Variants in ACSBG2 observed in about 807,000 individuals in gnomAD.
The protein encoded by ACSBG2 is long-chain-fatty-acid--CoA ligase ACSBG2.
Under a neutral mutation model 74.7 loss-of-function variants are expected in ACSBG2, and 62 were observed. The observed-to-expected ratio is 0.83, with a 90% CI of 0.68 to 1.03. ACSBG2 has a LOEUF of 1.03. Among genes scored for constraint, ACSBG2 ranks in the 50% least tolerant of loss-of-function variants. The pLI is 0.00. For synonymous variants in ACSBG2, 309 were observed against 294.1 expected, an observed-to-expected ratio of 1.05 and a Z score of -0.52; for missense variants, 730 against 817.6, an observed-to-expected ratio of 0.89 and a Z score of 1.31.
intron 8 of ACSBG2, 104 bp downstream of exon 8, chr19:6,177,500 T>C: frequency 1.6e-6 from 2 of 1,232,348 alleles, no homozygotes; most frequent in South Asian, 1.6e-5. Flanking sequence ...TGAAGCCCCA[T>C]GTCTAACGGT....
chr19:6,136,314 A>G (rs949873421), intron 1 of ACSBG2, among the ~76,000 whole-genome samples: 10 of 151,924 alleles, frequency 6.6e-5, no homozygotes, highest in East Asian at 1.9e-4. Context: ...GGATAGTCTC[A>G]ATCTCCTGAC....
chr19:6,189,246 C>A (rs1282467074), intron 13 of ACSBG2, among the ~76,000 whole-genome samples: 1 of 152,132 alleles, frequency 6.6e-6, no homozygotes, highest in Non-Finnish European at 1.5e-5. Context: ...TAGCTTGCTG[C>A]CACCCCCATT....
At position 6,145,408 on chromosome 19, in the gene ACSBG2, A is replaced by C. The variant is rs576723443; in HGVS notation, c.68-2038A>C. ...ATTGTGCCACTGCACTCCAGCCTGG[A>C]GATAGAGCAAGACTCCATCTCAAAA... On this transcript the variant is annotated intron_variant, in intron 2 of 14. Coordinates refer to ENST00000588485, the MANE Select transcript of ACSBG2 (RefSeq NM_030924.5). Among the ~76,000 whole-genome samples, 237 of 139,848 alleles carry C rather than the reference A, an allele frequency of 1.7e-3. 1 individual carries two copies. The highest frequency in any genetic ancestry group is 7.1e-3 in the Middle Eastern group (2 of 280). 91.7% of individuals were successfully genotyped at this position (139,848 alleles called of 152,430 possible).
Position 6,193,046 on chromosome 19 carries a change from T to A in ACSBG2, c.*414T>A, listed in dbSNP as rs1468618209. The A allele has an allele frequency of 3.9e-5, 6 of 152,206 alleles. No homozygotes were observed. Among genetic ancestry groups the A allele is most frequent in the Admixed American group, 6.5e-5 (1 of 15,276 alleles). The allele number at this position is 152,206 out of a possible 1,614,324, so 9.4% of individuals were successfully genotyped here. On this transcript the variant is annotated 3_prime_UTR_variant, in exon 15 of 15. Coordinates refer to ENST00000588485, the MANE Select transcript of ACSBG2 (RefSeq NM_030924.5). ...ATCAACTCACCTGCCTGGAAGCAAC[T>A]GGGAAACCCTTCCAATAAGTCCTGA...
At chr19:6,171,749 T>A (rs1170333705) in intron 7 of ACSBG2, among the ~76,000 whole-genome samples, 1 of 152,218 alleles carries the variant, frequency 6.6e-6, no homozygotes, top group Non-Finnish European at 1.5e-5. Flanking sequence ...CATATCTAGA[T>A]GTTGACCTCT....
rs2089477613 is a variant in ACSBG2, at chr19:6,157,936, T to C, written c.507+1385T>C. Among the ~76,000 whole-genome samples, 3 of 152,178 alleles carry C rather than the reference T, an allele frequency of 2.0e-5. No homozygotes were observed. The South Asian group carries it at 6.2e-4, about 32-fold the overall frequency. ...CCCTTCCTGTTTCATTTTTTTCTAG[T>C]GTCCTGCTGTCTCTTCCCTGAGTGC... On this transcript the variant is annotated intron_variant, in intron 5 of 14. Coordinates refer to ENST00000588485, the MANE Select transcript of ACSBG2 (RefSeq NM_030924.5).
At chr19:6,186,154 C>T (rs530231424) in intron 11 of ACSBG2, among the ~76,000 whole-genome samples, 3 of 151,120 alleles carry the variant, frequency 2.0e-5, no homozygotes, top group Non-Finnish European at 2.9e-5. Flanking sequence ...GGATAATAAT[C>T]GACAGAGTTG....
At chr19:6,147,194 A>C (rs1449316029) in intron 2 of ACSBG2, among the ~76,000 whole-genome samples, 2 of 152,200 alleles carry the variant, frequency 1.3e-5, no homozygotes, top group Non-Finnish European at 2.9e-5. Context: ...CAGTTGTAGA[A>C]TCTAGGTGTT....
In ACSBG2 at chr19:6,157,493, G is replaced by A. The variant is rs1043002378; in HGVS notation, c.507+942G>A. Among the ~76,000 whole-genome samples, 212 of 152,294 alleles carry A rather than the reference G, an allele frequency of 1.4e-3. 1 individual carries two copies. Among genetic ancestry groups the A allele is most frequent in the Non-Finnish European group, 2.1e-3 (146 of 68,012 alleles). ...TGGCAGGATCGCTTGAACCTGGGAG[G>A]TGGAGGTTGCAGTGAGCCAAGACTG... On this transcript the variant is annotated intron_variant, in intron 5 of 14. Transcript: ENST00000588485.
chr19:6,138,610 A>G (rs61411575), intron 1 of ACSBG2, among the ~76,000 whole-genome samples: 1,416 of 135,368 alleles, frequency 0.01, 39 homozygotes, highest in African/African-American at 0.04. Flanking sequence ...GGGAGGAAGG[A>G]AGGAAGGAAG....
chr19:6,136,055 CTCAACCTCCCAAG>C (rs1487726536), intron 1 of ACSBG2, 146 bp downstream of exon 1: 3 of 152,404 alleles, frequency 2.0e-5, no homozygotes, highest in African/African-American at 7.2e-5. Context: ...ATACTCCCAC[CTCAACCTCCCAAG>C]TAGCTGAGAT....
At chr19:6,149,247 C>A (rs1236305792) in intron 3 of ACSBG2, among the ~76,000 whole-genome samples, 1 of 152,168 alleles carries the variant, frequency 6.6e-6, no homozygotes, top group Non-Finnish European at 1.5e-5. Flanking sequence ...ATAAAGCCAG[C>A]CTTTTGGTTA....
rs570207075 is a variant in ACSBG2, at chr19:6,188,826, G to A, written c.1927+981G>A. ...TAAAGGGGATGAAATCATCGGATGT[G>A]GAAGCTGCATTCTTTGGTAAGTCAG... is the stretch of plus-strand genomic sequence containing the variant. On this transcript the variant is annotated intron_variant, in intron 13 of 14. Coordinates refer to ENST00000588485, the MANE Select transcript of ACSBG2 (RefSeq NM_030924.5). 4.6e-5 allele frequency among the ~76,000 whole-genome samples: 7 copies of A among 152,202 alleles called. No individual in the cohort carries two copies. In the South Asian group the frequency reaches 1.0e-3, roughly 23 times the overall value.
intron 10 of ACSBG2, 104 bp downstream of exon 10, chr19:6,183,376 G>GGT: frequency 1.1e-6 from 1 of 936,758 alleles, no homozygotes; most frequent in East Asian, 2.6e-5. Context: ...ATCCTGACGT[G>GGT]GTGTCTCCAG....
intron 8 of ACSBG2, among the ~76,000 whole-genome samples, chr19:6,182,359 T>G (rs976559209): frequency 2.6e-5 from 4 of 152,198 alleles, no homozygotes; most frequent in African/African-American, 9.6e-5. Context: ...CCTTTGTCAT[T>G]GAACCTGTAA....
intron 2 of ACSBG2, among the ~76,000 whole-genome samples, chr19:6,146,058 A>G (rs984744261): frequency 1.3e-5 from 2 of 152,170 alleles, no homozygotes; most frequent in Non-Finnish European, 2.9e-5. Context: ...TGTACATTTT[A>G]CCTTTAAAAA....
intron 6 of ACSBG2, among the ~76,000 whole-genome samples, chr19:6,162,725 G>A (rs1192456458): frequency 6.6e-6 from 1 of 152,114 alleles, no homozygotes; most frequent in Non-Finnish European, 1.5e-5. Flanking sequence ...TTTGGGGCAG[G>A]TAATTCTCTA....
chr19:6,139,089 C>CT (rs1385048433), intron 1 of ACSBG2, among the ~76,000 whole-genome samples: 31 of 87,618 alleles, frequency 3.5e-4, no homozygotes, highest in African/African-American at 3.5e-4. Flanking sequence ...TAAAATTAAA[C>CT]TTATTTTTTT....
chr19:6,165,676 G>T (rs1394013729), intron 6 of ACSBG2, among the ~76,000 whole-genome samples, 190 bp from the exon 7 acceptor site: 1 of 152,210 alleles, frequency 6.6e-6, no homozygotes, highest in Non-Finnish European at 1.5e-5. Flanking sequence ...GCTTGGTGAC[G>T]CTGCGAGGAA....
Sources: allele counts gnomAD v4.1 joint callset (sites outside exome capture counted in the v4.1 genomes callset), GRCh38; gene constraint gnomAD v4.1.1; transcripts MANE v1.5; gene names NCBI Gene and HGNC (gene_info 2026-07-23, HGNC 2026-07-21).